Variants in NHSL1 observed in about 807,000 individuals in gnomAD.
The protein encoded by NHSL1 is NHS-like protein 1.
NHSL1 carries 48 observed loss-of-function variants against 95.0 expected under a neutral mutation model. That is an observed-to-expected ratio of 0.51 (90% CI 0.40 to 0.64). The LOEUF (loss-of-function observed/expected upper bound fraction) is 0.64. Among genes scored for constraint, NHSL1 ranks in the 30% least tolerant of loss-of-function variants. The probability of loss-of-function intolerance (pLI) is 0.00; values close to 1 mark genes in which losing one functional copy is unlikely to be tolerated. For synonymous variants in NHSL1, 783 were observed against 833.9 expected (o/e 0.94, Z 1.05); for missense variants, 1,971 against 2,077.7 (o/e 0.95, Z 1.00).
intron 1 of NHSL1, among the ~76,000 whole-genome samples, chr6:138,683,941 T>C (rs1338300125): frequency 1.3e-5 from 2 of 152,216 alleles, no homozygotes; most frequent in African/African-American, 2.4e-5. Flanking sequence ...CTGGGCACAG[T>C]GGCTCATGCC....
At chr6:138,500,893 T>C (rs1291039405), upstream of NHSL1, among the ~76,000 whole-genome samples, 2 of 152,256 alleles carry the variant, frequency 1.3e-5, no homozygotes, top group Non-Finnish European at 2.9e-5. Flanking sequence ...TCATTTTATA[T>C]ATAGCTTTAT....
intron 1 of NHSL1, among the ~76,000 whole-genome samples, chr6:138,519,344 T>C (rs1261567358): frequency 6.6e-6 from 1 of 152,212 alleles, no homozygotes; most frequent in African/African-American, 2.4e-5. Context: ...AAAAATGTGT[T>C]ATCAAAAACA....
At chr6:138,670,547 T>C (rs1014466164) in intron 1 of NHSL1, among the ~76,000 whole-genome samples, 2 of 147,196 alleles carry the variant, frequency 1.4e-5, no homozygotes, top group African/African-American at 5.0e-5. Context: ...GCGCCTGTAG[T>C]CCCAGCTACT....
In NHSL1 at chr6:138,525,528, A is replaced by AAAATAAAT. The variant is rs141195256; in HGVS notation, c.16+20087_16+20094dup. ...GAACAACGAAGTGAGACCTTGTCTCAAAATAAATAAATAAATAAATAAATA... is the reference window on the plus strand; with the variant it reads ...GAACAACGAAGTGAGACCTTGTCTCAAAATAAATAAATAAATAAATAAATAAATAAATA... On this transcript the variant is annotated intron_variant, in intron 1 of 4. Transcript: ENST00000342260. Among the ~76,000 whole-genome samples the AAAATAAAT allele has an allele frequency of 3.2e-3, 452 of 139,652 alleles. 4 individuals are homozygous for AAAATAAAT. The highest frequency in any genetic ancestry group is 4.1e-3 in the African/African-American group (154 of 37,648). 91.6% of individuals were successfully genotyped at this position (139,652 alleles called of 152,430 possible).
chr6:138,664,252 T>G (rs1785266146), intron 1 of NHSL1, among the ~76,000 whole-genome samples: 2 of 152,224 alleles, frequency 1.3e-5, no homozygotes, highest in African/African-American at 4.8e-5. Flanking sequence ...TCTTTCCTAG[T>G]GTCATACTTA....
intron 7 of NHSL1, among the ~76,000 whole-genome samples, chr6:138,428,383 A>G (rs537414048): frequency 3.9e-4 from 59 of 152,362 alleles, no homozygotes; most frequent in Middle Eastern, 3.4e-3. Flanking sequence ...AGAAACATCT[A>G]TGGGAACTTC....
At chr6:138,454,574 A>G (rs1777462297) in intron 3 of NHSL1, among the ~76,000 whole-genome samples, 1 of 152,164 alleles carries the variant, frequency 6.6e-6, no homozygotes, top group Non-Finnish European at 1.5e-5. Flanking sequence ...GGGGTGATAG[A>G]TGTGTTCACT....
chr6:138,693,140 A>C (rs934425821), upstream of NHSL1, among the ~76,000 whole-genome samples: 3 of 151,450 alleles, frequency 2.0e-5, no homozygotes, highest in African/African-American at 4.8e-5. The surrounding 1 kb of genome is among the most constrained non-coding windows in gnomAD (Gnocchi z 4.3). Flanking sequence ...GCAGGCGGGC[A>C]GGAAAGCGCC....
chr6:138,671,453 A>G (rs899525186), intron 1 of NHSL1, among the ~76,000 whole-genome samples: 13 of 150,448 alleles, frequency 8.6e-5, no homozygotes, highest in Non-Finnish European at 1.5e-4. Flanking sequence ...CTGTCTCCAA[A>G]AAAAAAAAAA....
intron 1 of NHSL1, among the ~76,000 whole-genome samples, chr6:138,602,236 T>C (rs1462434656): frequency 2.6e-5 from 4 of 152,270 alleles, no homozygotes; most frequent in Admixed American, 6.5e-5. Context: ...ACGTCTTTGA[T>C]TTTATCCATC....
intron 2 of NHSL1, among the ~76,000 whole-genome samples, chr6:138,490,559 G>A (rs1780011671): frequency 6.6e-6 from 1 of 152,152 alleles, no homozygotes; most frequent in Non-Finnish European, 1.5e-5. Flanking sequence ...CACCCTCAAA[G>A]TCTGCTGTCG....
chr6:138,514,637 G>C (rs1781384651), intron 1 of NHSL1, among the ~76,000 whole-genome samples: 1 of 152,136 alleles, frequency 6.6e-6, no homozygotes, highest in African/African-American at 2.4e-5. Flanking sequence ...TCTTATTGTG[G>C]CCAGGCATGG....
intron 1 of NHSL1, among the ~76,000 whole-genome samples, chr6:138,521,661 A>C (rs1781688620): frequency 6.6e-6 from 1 of 152,190 alleles, no homozygotes; most frequent in Admixed American, 6.5e-5. Flanking sequence ...GAGGAATCAA[A>C]GAGGATTAGA....
At chr6:138,428,830 G>A (rs1481271939) in intron 7 of NHSL1, among the ~76,000 whole-genome samples, 1 of 152,168 alleles carries the variant, frequency 6.6e-6, no homozygotes, top group African/African-American at 2.4e-5. Flanking sequence ...GCAAAATAAG[G>A]CCTTGGCAGC....
At chr6:138,544,986 T>C (rs1782729015) in intron 1 of NHSL1, among the ~76,000 whole-genome samples, 1 of 123,220 alleles carries the variant, frequency 8.1e-6, no homozygotes, top group Admixed American at 8.4e-5. Context: ...TTCTTTTCTT[T>C]TTTTTTTTTT....
At chr6:138,506,234 T>C (rs1780958109) in intron 1 of NHSL1, among the ~76,000 whole-genome samples, 1 of 152,226 alleles carries the variant, frequency 6.6e-6, no homozygotes, top group Non-Finnish European at 1.5e-5. Context: ...AGGAACAAAA[T>C]CTTCCTATGT....
At chr6:138,685,204 T>C (rs983680458) in intron 1 of NHSL1, among the ~76,000 whole-genome samples, 7 of 152,214 alleles carry the variant, frequency 4.6e-5, no homozygotes, top group African/African-American at 1.7e-4. Flanking sequence ...GAAAACTAGA[T>C]TACGGCTAGA....
At position 138,498,730 on chromosome 6, in the gene NHSL1, C is replaced by T. The variant is rs78765036; in HGVS notation, c.58+503G>A. ...CTGATCAGTCTAGACAGTTTGTGCT[C>T]GAGCTCTTAAATACACAACAAAGAG... On this transcript the variant is annotated intron_variant, in intron 1 of 7. Coordinates refer to ENST00000343505, the MANE Select transcript of NHSL1 (RefSeq NM_001144060.2). Among the ~76,000 whole-genome samples, 1,420 of 152,242 alleles carry T rather than the reference C, an allele frequency of 9.3e-3. 12 individuals carry two copies. Among genetic ancestry groups the T allele is most frequent in the African/African-American group, 0.023 (935 of 41,540 alleles).
chr6:138,616,087 T>G (rs1324728696), intron 1 of NHSL1, among the ~76,000 whole-genome samples: 1 of 152,198 alleles, frequency 6.6e-6, no homozygotes, highest in Non-Finnish European at 1.5e-5. Flanking sequence ...TCTAATCAAA[T>G]TTACCAATGT....
Sources: gnomAD v4.1 joint callset for allele counts (sites outside exome capture counted in the v4.1 genomes callset) on GRCh38, gnomAD v4.1.1 for gene constraint, Gnocchi (gnomAD v3.1) non-coding constraint, MANE v1.5 for transcripts, NCBI Gene and HGNC (gene_info 2026-07-23, HGNC 2026-07-21) for gene names.